The following SPAG17 variants were observed in gnomAD, a reference collection of about 807,000 sequenced individuals.
The protein encoded by SPAG17 is sperm-associated antigen 17.
Under a neutral mutation model 273.6 loss-of-function variants are expected in SPAG17, and 169 were observed. The observed-to-expected ratio is 0.62, with a 90% CI of 0.55 to 0.70. SPAG17 has a LOEUF of 0.70. SPAG17 is among the 30% of genes least tolerant of loss of function. The pLI, the probability that SPAG17 is intolerant of heterozygous loss-of-function variation, is 0.00. For synonymous variants in SPAG17, 825 were observed against 873.2 expected, an observed-to-expected ratio of 0.94 and a Z score of 0.97; for missense variants, 2,557 against 2,627.8, an observed-to-expected ratio of 0.97 and a Z score of 0.59.
chr1:117,964,176 T>G, intron 47 of SPAG17: 1 of 354,144 alleles, frequency 2.8e-6, no homozygotes, highest in East Asian at 4.3e-5. Context: ...TGTGACTGGC[T>G]TTCTATAAGG....
intron 4 of SPAG17, among the ~76,000 whole-genome samples, chr1:118,103,317 G>A (rs373710140): frequency 4.1e-4 from 63 of 152,158 alleles, no homozygotes; most frequent in African/African-American, 1.4e-3. Flanking sequence ...ACACAAATGC[G>A]GTAATCTTAA....
Position 117,983,111 on chromosome 1 carries a change from A to T in SPAG17, c.5872+700T>A, listed in dbSNP as rs538454222. ...TCCACATAGCTGGGGAGGCCTCACAATCATGGTGGAAGGCAAGGAGAAGCA... is the reference window on the plus strand; with the variant it reads ...TCCACATAGCTGGGGAGGCCTCACATTCATGGTGGAAGGCAAGGAGAAGCA... On this transcript the variant is annotated intron_variant, in intron 42 of 48. Coordinates refer to ENST00000336338, the MANE Select transcript of SPAG17 (RefSeq NM_206996.4). 2.8e-3 allele frequency among the ~76,000 whole-genome samples: 423 copies of T among 152,346 alleles called. 4 individuals are homozygous for T. Among genetic ancestry groups the T allele is most frequent in the African/African-American group, 9.7e-3 (405 of 41,588 alleles).
chr1:118,097,060 C>T (rs1309140828), intron 7 of SPAG17, among the ~76,000 whole-genome samples: 1 of 151,994 alleles, frequency 6.6e-6, no homozygotes. Context: ...CATGGCGAAA[C>T]CCCATCTCTA....
intron 1 of SPAG17, among the ~76,000 whole-genome samples, chr1:118,174,339 T>A (rs1264987892): frequency 1.3e-5 from 2 of 151,920 alleles, no homozygotes; most frequent in Non-Finnish European, 2.9e-5. Context: ...AACTGGAAAT[T>A]TCACTAGAGG....
intron 24 of SPAG17, among the ~76,000 whole-genome samples, chr1:118,033,650 C>T (rs1216789490): frequency 1.3e-5 from 2 of 152,188 alleles, no homozygotes; most frequent in African/African-American, 4.8e-5. Context: ...AGTCCTCTGC[C>T]ACTCACTGCC....
chr1:118,106,291 G>A (rs576039144), intron 4 of SPAG17, among the ~76,000 whole-genome samples: 14 of 151,868 alleles, frequency 9.2e-5, no homozygotes, highest in Non-Finnish European at 1.9e-4. Context: ...ATTCTATCTC[G>A]TCAAGTCTTC....
At chr1:117,978,566 T>A (rs1363809463) in intron 43 of SPAG17, among the ~76,000 whole-genome samples, 3 of 152,180 alleles carry the variant, frequency 2.0e-5, no homozygotes, top group Non-Finnish European at 4.4e-5. Flanking sequence ...TGACTACATA[T>A]TCCTCTTTTA....
At chr1:118,036,681 T>A (rs1317483750) in intron 24 of SPAG17, 89 bp downstream of exon 24, 4 of 817,626 alleles carry the variant, frequency 4.9e-6, no homozygotes. Flanking sequence ...TCATAACATG[T>A]TATTGACAAG....
At chr1:118,074,623 T>C (rs777412488) in intron 15 of SPAG17, 23 bp from the exon 16 acceptor site, 9 of 1,607,374 alleles carry the variant, frequency 5.6e-6, no homozygotes, top group Non-Finnish European at 7.7e-6. Context: ...GACACCAACA[T>C]CCAGTTGTGT....
chr1:118,005,397 C>T lies in SPAG17; in HGVS notation c.4776+17G>A, dbSNP rs1658773970. On this transcript the variant is annotated intron_variant, in intron 32 of 48. Transcript: ENST00000336338. ...CAAAGCCACAGGCTCTCTCTCCATA[C>T]CAAAGGTGCACTTTACCTGAAAAGT... 1.3e-6 allele frequency: 2 copies of T among 1,588,016 alleles called. No homozygotes were observed. The highest frequency in any genetic ancestry group is 1.3e-5 in the African/African-American group (1 of 74,122).
At chr1:118,147,362 T>C (rs950001515) in intron 3 of SPAG17, among the ~76,000 whole-genome samples, 2 of 152,232 alleles carry the variant, frequency 1.3e-5, no homozygotes, top group Non-Finnish European at 1.5e-5. Context: ...AGGATTCACA[T>C]GTGGGAAATG....
At chr1:118,014,580 G>C (rs1659781114) in intron 29 of SPAG17, among the ~76,000 whole-genome samples, 1 of 152,204 alleles carries the variant, frequency 6.6e-6, no homozygotes, top group Non-Finnish European at 1.5e-5. Context: ...CAAAGTAAGA[G>C]ATTATAAAAT....
At chr1:118,139,114 G>A (rs995506231) in intron 3 of SPAG17, among the ~76,000 whole-genome samples, 1 of 151,730 alleles carries the variant, frequency 6.6e-6, no homozygotes, top group African/African-American at 2.4e-5. Flanking sequence ...TTAAAAAATG[G>A]ACAAGAAAAA....
chr1:118,167,142 T>C (rs1439458903), intron 1 of SPAG17, among the ~76,000 whole-genome samples: 4 of 152,220 alleles, frequency 2.6e-5, no homozygotes, highest in Non-Finnish European at 4.4e-5. Flanking sequence ...CATGATGTTC[T>C]TTAAGTTTTC....
chr1:118,016,272 T>C (rs1659969946), intron 28 of SPAG17, 90 bp from the exon 29 acceptor site: 1 of 931,180 alleles, frequency 1.1e-6, no homozygotes. Context: ...CAGTACAAAC[T>C]ACCTCAGATA....
intron 30 of SPAG17, among the ~76,000 whole-genome samples, chr1:118,010,886 C>T (rs915098270): frequency 4.6e-5 from 7 of 151,990 alleles, no homozygotes. Flanking sequence ...AGCAAAAAAC[C>T]AAACAACCCC....
At chr1:118,041,668 G>A in intron 21 of SPAG17, 135 bp downstream of exon 21, 1 of 1,167,150 alleles carries the variant, frequency 8.6e-7, no homozygotes. Flanking sequence ...ATACAGGTTT[G>A]AGCTCATTAA....
intron 17 of SPAG17, among the ~76,000 whole-genome samples, chr1:118,069,401 G>A (rs1653341590): frequency 6.6e-6 from 1 of 150,586 alleles, no homozygotes; most frequent in South Asian, 2.1e-4. Flanking sequence ...GATATATTTG[G>A]AGGTATACCC....
intron 28 of SPAG17, 129 bp downstream of exon 28, chr1:118,023,175 T>G: frequency 1.8e-6 from 1 of 557,982 alleles, no homozygotes; most frequent in Non-Finnish European, 2.8e-6. Flanking sequence ...TATGTATGTA[T>G]GTATAAGAAT....
Sources: allele counts gnomAD v4.1 joint callset (sites outside exome capture counted in the v4.1 genomes callset), GRCh38; gene constraint gnomAD v4.1.1; transcripts MANE v1.5; gene names NCBI Gene and HGNC (gene_info 2026-07-23, HGNC 2026-07-21).